Variants in SLC35F3 observed in about 807,000 individuals in gnomAD.
The protein encoded by SLC35F3 is putative thiamine transporter SLC35F3.
SLC35F3 carries 25 observed loss-of-function variants against 49.9 expected under a neutral mutation model. The observed-to-expected ratio is 0.50, with a 90% CI of 0.37 to 0.70. SLC35F3 has a LOEUF of 0.70. Among genes scored for constraint, SLC35F3 ranks in the 30% least tolerant of loss-of-function variants. The pLI is 0.00. For missense variants in SLC35F3, 525 were observed against 639.8 expected, an observed-to-expected ratio of 0.82 and a Z score of 1.94; for synonymous variants, 275 against 265.4, an observed-to-expected ratio of 1.04 and a Z score of -0.35.
chr1:234,149,891 G>C (rs1666053055), intron 2 of SLC35F3, among the ~76,000 whole-genome samples: 1 of 152,148 alleles, frequency 6.6e-6, no homozygotes, highest in Non-Finnish European at 1.5e-5. Flanking sequence ...CCAATCTCAG[G>C]CCAACCCAAC....
chr1:234,175,157 C>T (rs1666456419), intron 2 of SLC35F3, among the ~76,000 whole-genome samples: 1 of 152,206 alleles, frequency 6.6e-6, no homozygotes, highest in South Asian at 2.1e-4. Context: ...AATAAACTTT[C>T]TCATTTAAAT....
intron 2 of SLC35F3, among the ~76,000 whole-genome samples, chr1:234,067,405 G>T (rs1664637863): frequency 6.6e-6 from 1 of 152,146 alleles, no homozygotes; most frequent in Admixed American, 6.5e-5. Flanking sequence ...TCAAACACCG[G>T]TCCGTGGTCT....
chr1:234,116,573 G>T (rs998023336), intron 2 of SLC35F3, among the ~76,000 whole-genome samples: 2 of 150,688 alleles, frequency 1.3e-5, no homozygotes, highest in Non-Finnish European at 2.9e-5. Flanking sequence ...GTGCAATGGC[G>T]CAATCTCAGC....
At chr1:234,294,508 C>A (rs1668561568) in intron 3 of SLC35F3, among the ~76,000 whole-genome samples, 2 of 152,204 alleles carry the variant, frequency 1.3e-5, no homozygotes, top group Admixed American at 6.5e-5. Context: ...TCACCCTGGG[C>A]AGAATGCATC....
intron 2 of SLC35F3, among the ~76,000 whole-genome samples, chr1:234,051,464 G>T (rs1465041548): frequency 6.6e-6 from 1 of 152,312 alleles, no homozygotes; most frequent in Admixed American, 6.5e-5. Flanking sequence ...GTATAGGAAT[G>T]CTTGTGATTT....
Position 234,049,219 on chromosome 1 carries a change from A to T in SLC35F3, c.283+143461A>T, listed in dbSNP as rs181660461. On this transcript the variant is annotated intron_variant, in intron 2 of 7. Transcript: ENST00000366618. ...GGAATATCCTGGACTGAATATTTGTACCCCCCACCCCAATACATATGTAAA... is the reference window on the plus strand; with the variant it reads ...GGAATATCCTGGACTGAATATTTGTTCCCCCCACCCCAATACATATGTAAA... Among the ~76,000 whole-genome samples, 7 of 152,078 alleles carry T rather than the reference A, an allele frequency of 4.6e-5. No individual in the cohort carries two copies. In the East Asian group the frequency reaches 1.2e-3, roughly 25 times the overall value.
At position 233,905,765 on chromosome 1, in the gene SLC35F3, C is replaced by G. The variant is rs760704705; in HGVS notation, c.283+7C>G. 2 of 1,601,532 alleles carry G rather than the reference C, an allele frequency of 1.2e-6. No individual in the cohort carries two copies. Among genetic ancestry groups the G allele is most frequent in the African/African-American group, 2.7e-5 (2 of 74,744 alleles). ...TGGGCAGCGAGCTGCAAAAGTAAGA[C>G]CCCCTCACGTCATGTTTCCCGTTCA... On this transcript the variant is annotated splice_region_variant and intron_variant, in intron 2 of 7. Transcript: ENST00000366618.
chr1:234,108,467 TAA>T lies in SLC35F3; in HGVS notation c.284-122947_284-122946del, dbSNP rs1357611175. ...AAAAGATATATATTATTTATATATA[TAA>T]AAGATATATATATAAAAGATATATA... On this transcript the variant is annotated intron_variant, in intron 2 of 7. Coordinates refer to ENST00000366618, the MANE Select transcript of SLC35F3 (RefSeq NM_173508.4). 7.2e-4 allele frequency among the ~76,000 whole-genome samples: 65 copies of T among 90,586 alleles called. 2 individuals carry two copies. The highest frequency in any genetic ancestry group is 6.8e-3 in the Middle Eastern group (1 of 146). The allele number at this position is 90,586 out of a possible 152,430, so 59.4% of individuals were successfully genotyped here.
At chr1:233,913,066 G>A (rs1410302477) in intron 2 of SLC35F3, among the ~76,000 whole-genome samples, 1 of 152,182 alleles carries the variant, frequency 6.6e-6, no homozygotes, top group East Asian at 1.9e-4. Context: ...GTGTTTATAT[G>A]GTGTGATAAA....
intron 2 of SLC35F3, among the ~76,000 whole-genome samples, chr1:233,931,774 C>A (rs1026875204): frequency 2.0e-5 from 3 of 152,174 alleles, no homozygotes; most frequent in Non-Finnish European, 4.4e-5. Flanking sequence ...ACCATTTGAC[C>A]CAGCCATCCC....
Position 233,905,695 on chromosome 1 carries a change from G to C in SLC35F3, c.220G>C (p.Glu74Gln). ...CGGGCCGGTGGGGCTCACGTCCATC[G>C]AGGAGCGGATCCTGCGCATCACTGG... ...TSGPVGLTSI[E>Q]ERILRITGYY... is the part of the protein sequence containing the mutation. Residue 74 changes from glutamate to glutamine, a missense_variant, in exon 2 of 8, where the codon GAG becomes CAG. Coordinates refer to ENST00000366618, the MANE Select transcript of SLC35F3 (RefSeq NM_173508.4). 1 of 1,614,210 alleles carries C rather than the reference G, an allele frequency of 6.2e-7. No individual in the cohort carries two copies. Among genetic ancestry groups the C allele is most frequent in the Non-Finnish European group, 8.5e-7 (1 of 1,180,040 alleles).
chr1:234,252,490 T>C (rs942134296), intron 3 of SLC35F3, among the ~76,000 whole-genome samples: 5 of 152,158 alleles, frequency 3.3e-5, no homozygotes, highest in Admixed American at 2.6e-4. Context: ...AGAAAAAATA[T>C]GTGTAACGCA....
intron 2 of SLC35F3, among the ~76,000 whole-genome samples, chr1:233,947,750 A>AGG (rs1464626309): frequency 1.5e-4 from 22 of 148,368 alleles, no homozygotes; most frequent in African/African-American, 5.2e-4. Context: ...AGTAAGAGGG[A>AGG]GGAGAGAGAG....
At chr1:234,181,197 A>T (rs1199019285) in intron 2 of SLC35F3, among the ~76,000 whole-genome samples, 1 of 151,942 alleles carries the variant, frequency 6.6e-6, no homozygotes, top group African/African-American at 2.4e-5. Context: ...ATTAGCCAAC[A>T]TGGTGGCATG....
intron 3 of SLC35F3, among the ~76,000 whole-genome samples, chr1:234,270,087 C>T (rs1196507376): frequency 6.6e-6 from 1 of 152,164 alleles, no homozygotes; most frequent in Non-Finnish European, 1.5e-5. Context: ...AAACCCATGC[C>T]CATTGTCCAC....
chr1:233,965,609 A>G (rs1268155377), intron 2 of SLC35F3, among the ~76,000 whole-genome samples: 1 of 152,196 alleles, frequency 6.6e-6, no homozygotes, highest in Non-Finnish European at 1.5e-5. Context: ...AACATCAGAA[A>G]GAAGCCAAGG....
At chr1:234,001,397 A>T (rs112493714) in intron 2 of SLC35F3, among the ~76,000 whole-genome samples, 202 of 152,308 alleles carry the variant, frequency 1.3e-3, no homozygotes, top group African/African-American at 4.2e-3. Context: ...TCATTTACTC[A>T]TATGACAAAT....
chr1:234,313,408 C>A (rs887001196), intron 4 of SLC35F3, among the ~76,000 whole-genome samples: 2 of 152,276 alleles, frequency 1.3e-5, no homozygotes, highest in African/African-American at 4.8e-5. Flanking sequence ...GGCAGCCGGG[C>A]AGGTTATGAC....
intron 3 of SLC35F3, chr1:234,306,616 C>A (rs1356506620): frequency 6.6e-6 from 1 of 152,264 alleles, no homozygotes; most frequent in African/African-American, 2.4e-5. Flanking sequence ...AAGCTGTGAT[C>A]TCCTGGCCAT....
Sources: allele counts gnomAD v4.1 joint callset (sites outside exome capture counted in the v4.1 genomes callset), GRCh38; gene constraint gnomAD v4.1.1; transcripts MANE v1.5; gene names NCBI Gene and HGNC (gene_info 2026-07-23, HGNC 2026-07-21).